CPAMD8: variants seen among roughly 807,000 people sequenced by gnomAD.
CPAMD8 encodes C3 and PZP-like alpha-2-macroglobulin domain-containing protein 8.
Under a neutral mutation model 224.7 loss-of-function variants are expected in CPAMD8, and 146 were observed. That is an observed-to-expected ratio of 0.65 (90% CI 0.57 to 0.75). The LOEUF (loss-of-function observed/expected upper bound fraction) is 0.75. Among genes scored for constraint, CPAMD8 ranks in the 30% least tolerant of loss-of-function variants. CPAMD8 has a pLI of 0.00. For missense variants in CPAMD8, 2,301 were observed against 2,537.5 expected (o/e 0.91, Z 2.00); for synonymous variants, 966 against 1,044.6 (o/e 0.92, Z 1.45).
chr19:16,894,480 T>C, intron 41 of CPAMD8: 2 of 456,540 alleles, frequency 4.4e-6, no homozygotes, highest in South Asian at 3.1e-5. Context: ...CCGCCAGGAC[T>C]TCGGGATGGG....
intron 22 of CPAMD8, among the ~76,000 whole-genome samples, chr19:16,942,233 G>A (rs561197787): frequency 7.2e-5 from 11 of 152,154 alleles, no homozygotes; most frequent in Admixed American, 2.6e-4. Context: ...AGACCGAGGC[G>A]GGCGGGTCAC....
At chr19:16,974,939 C>T (rs2055202987) in intron 17 of CPAMD8, 158 bp downstream of exon 17, 7 of 956,634 alleles carry the variant, frequency 7.3e-6, no homozygotes, top group African/African-American at 1.7e-5. Context: ...CACACCACTG[C>T]ACTCCAGCCT....
In CPAMD8 at chr19:16,914,816, G is replaced by C. The variant is rs1168752562; in HGVS notation, c.3630-3C>G. 1 of 1,603,340 alleles carries C rather than the reference G, an allele frequency of 6.2e-7. No homozygotes were observed. Among genetic ancestry groups the C allele is most frequent in the Non-Finnish European group, 8.5e-7 (1 of 1,174,272 alleles). On this transcript the variant is annotated splice_region_variant and splice_polypyrimidine_tract_variant and intron_variant, in intron 27 of 41. Coordinates refer to ENST00000443236, the MANE Select transcript of CPAMD8 (RefSeq NM_015692.5). ...ACTTCAGGACAAAGGCTGTGAGCCT[G>C]AAAGAGGACAGGGTGTCAGCTGAGG...
chr19:16,978,901 C>A (rs560509129), intron 14 of CPAMD8, among the ~76,000 whole-genome samples: 1 of 151,746 alleles, frequency 6.6e-6, no homozygotes, highest in South Asian at 2.1e-4. Context: ...ATCCACCCAT[C>A]CCTCTATTCA....
At position 16,995,364 on chromosome 19, in the gene CPAMD8, T is replaced by C. The variant is rs575479134; in HGVS notation, c.1095+1747A>G. On this transcript the variant is annotated intron_variant, in intron 11 of 41. Coordinates refer to ENST00000443236, the MANE Select transcript of CPAMD8 (RefSeq NM_015692.5). The stretch of plus-strand genomic sequence containing the variant: ...CCTTGCCCCACTCCTGCTGCTGCAA[T>C]TGGGGTGAAGATGCCCCAGGTTTGT... Among the ~76,000 whole-genome samples, 98 of 152,240 alleles carry C rather than the reference T, an allele frequency of 6.4e-4. 1 individual carries two copies. The highest frequency in any genetic ancestry group is 1.3e-3 in the Admixed American group (20 of 15,274).
At position 16,897,931 on chromosome 19, in the gene CPAMD8, T is replaced by A; in HGVS notation, c.4912A>T (p.Thr1638Ser). 2 of 1,610,900 alleles carry A rather than the reference T, an allele frequency of 1.2e-6. No homozygotes were observed. The highest frequency in any genetic ancestry group is 1.7e-6 in the Non-Finnish European group (2 of 1,179,320). ...RALRECVVGR[T>S]SALPVSVYDY... ...TACACGGAGACTGGCAGCGCCGACG[T>A]CCTGCCCACCACGCACTCCCGGAGA... The change falls in exon 38 of 42, where the codon ACG (threonine) becomes TCG (serine). Residue 1638 changes from threonine (T) to serine (S), a missense_variant. This residue lies in a region of CPAMD8 where 1,709 missense variants were observed against 1,753.2 expected (regional missense o/e 0.97). Coordinates refer to ENST00000443236, the MANE Select transcript of CPAMD8 (RefSeq NM_015692.5).
intron 20 of CPAMD8, among the ~76,000 whole-genome samples, chr19:16,948,920 A>G (rs1237638006): frequency 1.2e-4 from 9 of 73,392 alleles, no homozygotes; most frequent in African/African-American, 4.2e-4. Flanking sequence ...AGGGAAAGGA[A>G]GGGGAGTGGA....
chr19:16,896,435 G>T, intron 40 of CPAMD8, 21 bp downstream of exon 40: 1 of 1,468,198 alleles, frequency 6.8e-7, no homozygotes, highest in Non-Finnish European at 9.0e-7. Context: ...CCCGAGGCTA[G>T]GCGGGGGGTA....
At chr19:16,926,579 G>A (rs1225318413) in intron 25 of CPAMD8, among the ~76,000 whole-genome samples, 1 of 152,128 alleles carries the variant, frequency 6.6e-6, no homozygotes, top group African/African-American at 2.4e-5. Flanking sequence ...GCCTCCCAAA[G>A]TGCTGGGATT....
At chr19:16,912,710 AAG>A (rs2052774820) in intron 29 of CPAMD8, among the ~76,000 whole-genome samples, 1 of 152,178 alleles carries the variant, frequency 6.6e-6, no homozygotes, top group Non-Finnish European at 1.5e-5. Context: ...CCCCAAGCCA[AAG>A]AGAATCACTT....
chr19:16,964,843 C>T (rs2054773766), intron 18 of CPAMD8, among the ~76,000 whole-genome samples: 1 of 152,188 alleles, frequency 6.6e-6, no homozygotes, highest in Non-Finnish European at 1.5e-5. Context: ...TCTTATCCAC[C>T]ACGATCAAGT....
In CPAMD8 at chr19:16,903,799, C is replaced by T. The variant is rs370949447; in HGVS notation, c.4310G>A (p.Gly1437Asp). The change falls in exon 33 of 42, where the codon GGC (glycine) becomes GAC (aspartate). Residue 1437 changes from glycine (G) to aspartate (D), a missense_variant. Gly to Asp is a moderately conservative substitution (Grantham distance 94). Around this residue, in one of 4 missense-constraint regions of CPAMD8, gnomAD observed 1,709 missense variants for 1,753.2 expected, o/e 0.97. Coordinates refer to ENST00000443236, the MANE Select transcript of CPAMD8 (RefSeq NM_015692.5). Reference protein sequence around the residue: ...AEYAILSYAGGINLTVSLAST... With the variant: ...AEYAILSYAGDINLTVSLAST... ...GGCCAGGGAGACAGTGAGGTTGATGCCTCCAGCATAGGACAAGATGGCATA... is the reference window on the plus strand; with the variant it reads ...GGCCAGGGAGACAGTGAGGTTGATGTCTCCAGCATAGGACAAGATGGCATA... 3.7e-5 allele frequency: 60 copies of T among 1,614,018 alleles called. No individual in the cohort carries two copies. The highest frequency in any genetic ancestry group is 4.8e-5 in the Non-Finnish European group (57 of 1,179,972).
chr19:16,914,157 T>C (rs2052838050), intron 29 of CPAMD8, among the ~76,000 whole-genome samples: 1 of 152,162 alleles, frequency 6.6e-6, no homozygotes, highest in Non-Finnish European at 1.5e-5. Context: ...TGGACAGTCA[T>C]GGGAGGCTCT....
intron 13 of CPAMD8, among the ~76,000 whole-genome samples, chr19:16,988,866 A>G (rs539556719): frequency 1.3e-5 from 2 of 152,274 alleles, no homozygotes; most frequent in African/African-American, 4.8e-5. Flanking sequence ...AGCCGCTCGC[A>G]TCACTCATAT....
Position 16,902,675 on chromosome 19 carries a change from G to A in CPAMD8, c.4659C>T (p.Tyr1553=). 1 of 1,609,968 alleles carries A rather than the reference G, an allele frequency of 6.2e-7. No individual in the cohort carries two copies. Among genetic ancestry groups the A allele is most frequent in the Non-Finnish European group, 8.5e-7 (1 of 1,178,616 alleles). Residue 1553 remains tyrosine (Y), a synonymous_variant, in exon 35 of 42, where the codon TAC becomes TAT. Transcript: ENST00000443236. Reference sequence around the variant, plus strand: ...TGGTGCACACCTCCAGCATCACCTTGTATTCCTGGTGATGCTGATCGGCCG... The same window carrying A: ...TGGTGCACACCTCCAGCATCACCTTATATTCCTGGTGATGCTGATCGGCCG... The part of the protein sequence containing the change: ...DPAADQHHQE[Y]KVMLEVCTRW...
At chr19:16,903,284 G>A (rs1034055299) in intron 34 of CPAMD8, among the ~76,000 whole-genome samples, 12 of 151,944 alleles carry the variant, frequency 7.9e-5, no homozygotes, top group Non-Finnish European at 1.6e-4. Context: ...CAGGGGGAAT[G>A]ACCTCGAGCC....
rs529652483 is a variant in CPAMD8, at chr19:16,897,733, G to A, written c.5023C>T (p.Pro1675Ser). ...SPLARELCAG[P>S]ACNEVERAPA... ...GCGCGCTCCACTTCGTTGCACGCGG[G>A]TCCGGCGCACAGTTCCCGGGCGAGT... The change falls in exon 39 of 42, where the codon CCC (proline) becomes TCC (serine). Residue 1675 changes from proline (P) to serine (S), a missense_variant. By Grantham distance (74) the Pro-to-Ser change is moderately conservative. Coordinates refer to ENST00000443236, the MANE Select transcript of CPAMD8 (RefSeq NM_015692.5). 3.1e-5 allele frequency: 49 copies of A among 1,571,438 alleles called. No individual in the cohort carries two copies. The highest frequency in any genetic ancestry group is 1.4e-4 in the East Asian group (6 of 43,492).
intron 3 of CPAMD8, among the ~76,000 whole-genome samples, chr19:17,017,145 C>T (rs2056834330): frequency 6.6e-6 from 1 of 152,098 alleles, no homozygotes; most frequent in African/African-American, 2.4e-5. Flanking sequence ...AGTGTGAACC[C>T]TATTGTGAAC....
intron 19 of CPAMD8, among the ~76,000 whole-genome samples, chr19:16,953,555 G>A (rs1348723159): frequency 6.6e-6 from 1 of 151,254 alleles, no homozygotes; most frequent in Non-Finnish European, 1.5e-5. Flanking sequence ...AAAAAATTTA[G>A]CCAGGAGTGG....
Sources: gnomAD v4.1 joint callset for allele counts (sites outside exome capture counted in the v4.1 genomes callset) on GRCh38, gnomAD v4.1.1 for gene constraint, gnomAD v4.1.1 regional missense constraint, MANE v1.5 for transcripts, NCBI Gene and HGNC (gene_info 2026-07-23, HGNC 2026-07-21) for gene names.